PDXK: variants seen among roughly 807,000 people sequenced by gnomAD.
PDXK encodes pyridoxal kinase.
Under a neutral mutation model 43.2 loss-of-function variants are expected in PDXK, and 15 were observed. That is an observed-to-expected ratio of 0.35 (90% CI 0.23 to 0.53). The LOEUF (loss-of-function observed/expected upper bound fraction) is 0.53. Ranked by LOEUF, PDXK falls within the 20% of genes least tolerant of loss-of-function variation. PDXK has a pLI of 0.92. For synonymous variants in PDXK, 172 were observed against 165.4 expected, an observed-to-expected ratio of 1.04 and a Z score of -0.31; for missense variants, 343 against 417.0, an observed-to-expected ratio of 0.82 and a Z score of 1.54.
intron 10 of PDXK, 27 bp downstream of exon 10, chr21:43,755,791 C>T (rs372457569): frequency 2.5e-6 from 4 of 1,600,710 alleles, no homozygotes; most frequent in Admixed American, 1.7e-5. Flanking sequence ...GCATGGGCTG[C>T]GTGGGCTCCT....
At chr21:43,739,683 C>T (rs1157699386) in intron 2 of PDXK, among the ~76,000 whole-genome samples, 2 of 151,744 alleles carry the variant, frequency 1.3e-5, no homozygotes, top group Admixed American at 1.3e-4. Context: ...GATTGAATGA[C>T]CTCCTGCCAG....
chr21:43,741,520 C>T (rs563812396), intron 2 of PDXK, 147 bp from the exon 3 acceptor site: 2 of 1,470,106 alleles, frequency 1.4e-6, no homozygotes, highest in Non-Finnish European at 1.8e-6. Flanking sequence ...AGCACTGCGC[C>T]TAGTGATCTC....
intron 7 of PDXK, among the ~76,000 whole-genome samples, chr21:43,750,785 T>TGC (rs752824341): frequency 7.7e-6 from 1 of 130,014 alleles, no homozygotes; most frequent in Non-Finnish European, 1.7e-5. Flanking sequence ...TGTGTGTGGG[T>TGC]GTGTGTGTGG....
intron 1 of PDXK, chr21:43,728,785 C>G: frequency 1.0e-6 from 1 of 985,708 alleles, no homozygotes; most frequent in Non-Finnish European, 1.2e-6. Context: ...TCGCGGGCGG[C>G]AGGGGGAAGG....
In PDXK at chr21:43,732,172, G is replaced by A. The variant is rs992946854; in HGVS notation, c.88-1897G>A. The A allele has an allele frequency of 7.1e-7, 1 of 1,409,890 alleles. No homozygotes were observed. The highest frequency in any genetic ancestry group is 1.4e-5 in the African/African-American group (1 of 69,418). 87.3% of individuals were successfully genotyped at this position (1,409,890 alleles called of 1,614,324 possible). A position where few individuals can be genotyped will look rare whatever the true frequency, so the allele number is the denominator to read the frequency against. On this transcript the variant is annotated intron_variant, in intron 1 of 10. Transcript: ENST00000291565. The surrounding 1 kb of genome is among the most constrained non-coding windows in gnomAD (Gnocchi z 4.1). ...TTCACATTCTTGGTACCTCCTGGTG[G>A]TGCCTGGGAGGGAGCCACTGCTGTA...
chr21:43,748,647 G>C (rs2083679462), intron 5 of PDXK, among the ~76,000 whole-genome samples: 1 of 152,152 alleles, frequency 6.6e-6, no homozygotes, highest in African/African-American at 2.4e-5. Context: ...AGATGACCAG[G>C]GCTGCTCCAT....
At chr21:43,742,246 C>T (rs965003999) in intron 3 of PDXK, among the ~76,000 whole-genome samples, 6 of 152,204 alleles carry the variant, frequency 3.9e-5, no homozygotes, top group African/African-American at 1.4e-4. Flanking sequence ...ATGGCACAAT[C>T]ATAGCTCACT....
At chr21:43,746,195 G>A in intron 5 of PDXK, 70 bp downstream of exon 5, 3 of 1,224,794 alleles carry the variant, frequency 2.4e-6, no homozygotes, top group Non-Finnish European at 3.6e-6. Context: ...CAGAAGACAG[G>A]CCCACATCTC....
At chr21:43,726,543 T>G (rs1213518365) in intron 1 of PDXK, among the ~76,000 whole-genome samples, 1 of 152,146 alleles carries the variant, frequency 6.6e-6, no homozygotes, top group East Asian at 1.9e-4. Flanking sequence ...TCCAAAGTGC[T>G]GGGATTACGG....
Position 43,737,729 on chromosome 21 carries a change from G to T in PDXK, c.142+3606G>T, listed in dbSNP as rs976823723. The T allele has an allele frequency of 1.0e-6, 1 of 984,376 alleles. No individual in the cohort carries two copies. The highest frequency in any genetic ancestry group is 6.1e-5 in the Admixed American group (1 of 16,264). The allele number at this position is 984,376 out of a possible 1,614,324, so 61.0% of individuals were successfully genotyped here. A position where few individuals can be genotyped will look rare whatever the true frequency, so the allele number is the denominator to read the frequency against. On this transcript the variant is annotated intron_variant, in intron 2 of 10. Coordinates refer to ENST00000291565, the MANE Select transcript of PDXK (RefSeq NM_003681.5). This position sits in a 1 kb window ranked among gnomAD's most constrained non-coding sequence, Gnocchi z 4.8. ...CAGGCCGGGCCAGGAGCCTGCCGAC[G>T]GACACCAGCGAGGGGCCAGGCCGGG...
rs9974827 is a variant in PDXK at position 43,749,124 on chromosome 21, A to G, written c.464+44A>G. ...TTTTACTTTATTTATTTATTTTTCA[A>G]GATGGGTCTCGCTCTTGTCACCCAG... On this transcript the variant is annotated intron_variant, in intron 6 of 10. Coordinates refer to ENST00000291565, the MANE Select transcript of PDXK (RefSeq NM_003681.5). The G allele has an allele frequency of 0.36, 455,434 of 1,268,844 alleles. 82,509 individuals are homozygous for G. Among genetic ancestry groups the G allele is most frequent in the East Asian group, 0.47 (18,853 of 39,784 alleles). 78.6% of individuals were successfully genotyped at this position (1,268,844 alleles called of 1,614,324 possible).
chr21:43,726,012 T>TTCTCTCTC (rs60147387), intron 1 of PDXK, among the ~76,000 whole-genome samples: 39 of 147,844 alleles, frequency 2.6e-4, no homozygotes, highest in African/African-American at 9.2e-4. Context: ...CTAGCTGGGA[T>TTCTCTCTC]TCTCTCTCTC....
chr21:43,733,806 G>T (rs2083359358), intron 1 of PDXK: 3 of 750,690 alleles, frequency 4.0e-6, no homozygotes, highest in Non-Finnish European at 4.1e-6. Context: ...GAGGTCCTGT[G>T]GGCTGGGCGA....
Position 43,755,934 on chromosome 21 carries a change from C to T in PDXK, c.827-17C>T. 6.3e-7 allele frequency: 1 copy of T among 1,587,798 alleles called. No homozygotes were observed. Among genetic ancestry groups the T allele is most frequent in the Non-Finnish European group, 8.6e-7 (1 of 1,159,248 alleles). ...CCCTCTGAGATGGGAACTCAGTGCT[C>T]TCTGCCTGCCCCGCAGCCCAGGCCG... On this transcript the variant is annotated splice_polypyrimidine_tract_variant and intron_variant, in intron 10 of 10. Coordinates refer to ENST00000291565, the MANE Select transcript of PDXK (RefSeq NM_003681.5).
At chr21:43,739,770 G>GA (rs2083461984) in intron 2 of PDXK, among the ~76,000 whole-genome samples, 1 of 151,780 alleles carries the variant, frequency 6.6e-6, no homozygotes. Flanking sequence ...GCCAGGCCAT[G>GA]TCACCTCCCC....
chr21:43,741,153 CG>C (rs1426191928), intron 2 of PDXK: 2 of 8,488 alleles, frequency 2.4e-4, no homozygotes, highest in African/African-American at 1.7e-3. Flanking sequence ...AGTGCAGGGG[CG>C]GGGGGCTCGC....
Position 43,754,925 on chromosome 21 carries a change from G to GC in PDXK, c.760-770dup, listed in dbSNP as rs3831651. Among the ~76,000 whole-genome samples the GC allele has an allele frequency of 0.33, 49,447 of 152,056 alleles. 8,063 individuals carry two copies. Among genetic ancestry groups the GC allele is most frequent in the East Asian group, 0.47 (2,443 of 5,154 alleles). Reference sequence around the variant, plus strand: ...AGGCCCTTTGCCTCCCATGGGACTAGCCCTCTGCACACCCTGAGCTGGAAT... The same window carrying GC: ...AGGCCCTTTGCCTCCCATGGGACTAGCCCCTCTGCACACCCTGAGCTGGAAT... On this transcript the variant is annotated intron_variant, in intron 9 of 10. Transcript: ENST00000291565. The surrounding 1 kb of genome is among the most constrained non-coding windows in gnomAD (Gnocchi z 5.5).
At chr21:43,720,247 C>T (rs1315649598) in intron 1 of PDXK, among the ~76,000 whole-genome samples, 1 of 152,172 alleles carries the variant, frequency 6.6e-6, no homozygotes, top group African/African-American at 2.4e-5. Flanking sequence ...TGGGGGTGCC[C>T]TGCCGGGTCG....
chr21:43,750,557 C>T lies in PDXK; in HGVS notation c.510+12C>T, dbSNP rs764839925. ...AGGAAGCCTTGCGGGTAAGGAGGCCCTCTGGGGCCTGTGCGGGGCACATGT... is the reference window on the plus strand; with the variant it reads ...AGGAAGCCTTGCGGGTAAGGAGGCCTTCTGGGGCCTGTGCGGGGCACATGT... On this transcript the variant is annotated intron_variant, in intron 7 of 10. Coordinates refer to ENST00000291565, the MANE Select transcript of PDXK (RefSeq NM_003681.5). 4.3e-6 allele frequency: 7 copies of T among 1,610,400 alleles called. No individual in the cohort carries two copies. The African/African-American group carries it at 6.7e-5, about 15-fold the overall frequency.
Sources: allele counts gnomAD v4.1 joint callset (sites outside exome capture counted in the v4.1 genomes callset), GRCh38; gene constraint gnomAD v4.1.1; non-coding constraint Gnocchi (gnomAD v3.1); transcripts MANE v1.5; gene names NCBI Gene and HGNC (gene_info 2026-07-23, HGNC 2026-07-21).